The following ERBB4 variants were observed in gnomAD, a reference collection of about 807,000 sequenced individuals.
ERBB4 encodes the protein erb-b2 receptor tyrosine kinase 4.
A neutral mutation model predicts 158.0 loss-of-function variants in ERBB4; 42 were observed. The ratio of observed to expected loss-of-function variants is 0.27; its 90% CI spans 0.21 to 0.34. The LOEUF is 0.34. Among genes scored for constraint, ERBB4 ranks in the 10% least tolerant of loss-of-function variants. The pLI is 1.00. For missense variants in ERBB4, 1,333 were observed against 1,624.1 expected, an observed-to-expected ratio of 0.82 and a Z score of 3.08; for synonymous variants, 583 against 558.7, an observed-to-expected ratio of 1.04 and a Z score of -0.61.
chr2:211,929,890 T>C (rs916083067), intron 3 of ERBB4, among the ~76,000 whole-genome samples: 2 of 152,282 alleles, frequency 1.3e-5, no homozygotes, highest in Middle Eastern at 6.8e-3. Context: ...ACAACATGTG[T>C]ATACACACAT....
In ERBB4 at chr2:212,083,679, G is replaced by A. The variant is rs549850488; in HGVS notation, c.234+41073C>T. 1.2e-4 allele frequency among the ~76,000 whole-genome samples: 18 copies of A among 151,734 alleles called. No homozygotes were observed. In the South Asian group the frequency reaches 3.7e-3, roughly 32 times the overall value. ...ATGCCAGACAAACCTGGCAAAATAGGTTGACAACATAGGATTGCACAATCC... is the reference window on the plus strand; with the variant it reads ...ATGCCAGACAAACCTGGCAAAATAGATTGACAACATAGGATTGCACAATCC... On this transcript the variant is annotated intron_variant, in intron 2 of 27. Transcript: ENST00000342788.
chr2:212,483,499 T>G (rs1421885027), intron 1 of ERBB4, among the ~76,000 whole-genome samples: 1 of 152,190 alleles, frequency 6.6e-6, no homozygotes, highest in Admixed American at 6.5e-5. Flanking sequence ...TCTTACGTAT[T>G]TGTACCTAGT....
At chr2:211,640,767 T>C (rs2070550109) in intron 16 of ERBB4, among the ~76,000 whole-genome samples, 1 of 152,094 alleles carries the variant, frequency 6.6e-6, no homozygotes, top group African/African-American at 2.4e-5. Context: ...TCATGAGTAA[T>C]AGTGAAAGAC....
At chr2:212,275,237 GT>G (rs2085486587) in intron 1 of ERBB4, among the ~76,000 whole-genome samples, 1 of 151,892 alleles carries the variant, frequency 6.6e-6, no homozygotes, top group Non-Finnish European at 1.5e-5. Context: ...AAACATACGT[GT>G]GTATGTCTCT....
intron 1 of ERBB4, among the ~76,000 whole-genome samples, chr2:212,274,656 A>G (rs1357851925): frequency 6.6e-6 from 1 of 151,872 alleles, no homozygotes; most frequent in South Asian, 2.1e-4. Flanking sequence ...GTTACTGTGC[A>G]TAAGTTTTAA....
At chr2:211,422,733 T>C (rs974324090) in intron 23 of ERBB4, among the ~76,000 whole-genome samples, 2 of 151,940 alleles carry the variant, frequency 1.3e-5, no homozygotes, top group African/African-American at 4.8e-5. Context: ...AATTATCCTC[T>C]TCTTAGGTAT....
intron 1 of ERBB4, among the ~76,000 whole-genome samples, chr2:212,381,407 T>C (rs933918474): frequency 1.3e-5 from 2 of 151,328 alleles, no homozygotes; most frequent in Non-Finnish European, 3.0e-5. Flanking sequence ...CAGACTGTCT[T>C]GTGTGGTATA....
intron 1 of ERBB4, among the ~76,000 whole-genome samples, chr2:212,293,898 G>A (rs941534795): frequency 2.7e-5 from 4 of 147,770 alleles, no homozygotes; most frequent in South Asian, 2.2e-4. Context: ...TGTATGATGT[G>A]TATAAGATGA....
Position 212,168,068 on chromosome 2 carries a change from TAA to T in ERBB4, c.83-43167_83-43166del, listed in dbSNP as rs10594490. On this transcript the variant is annotated intron_variant, in intron 1 of 27. Coordinates refer to ENST00000342788, the MANE Select transcript of ERBB4 (RefSeq NM_005235.3). ...TGTATCCAGGAACTGAAATTAAAAT[TAA>T]AAAAAAAAAAAAACTTGTCTCATTT... Among the ~76,000 whole-genome samples the T allele has an allele frequency of 5.8e-3, 874 of 149,492 alleles. 8 individuals carry two copies. Among genetic ancestry groups the T allele is most frequent in the African/African-American group, 0.018 (727 of 40,660 alleles).
intron 2 of ERBB4, among the ~76,000 whole-genome samples, chr2:212,042,414 T>A (rs1325237369): frequency 1.3e-5 from 2 of 152,248 alleles, no homozygotes; most frequent in South Asian, 4.1e-4. Flanking sequence ...AATTAGGTTT[T>A]CACGGAAGCT....
intron 20 of ERBB4, among the ~76,000 whole-genome samples, chr2:211,471,948 C>T (rs1400274067): frequency 1.3e-5 from 2 of 152,020 alleles, no homozygotes; most frequent in Non-Finnish European, 2.9e-5. Context: ...TGAAGACCAG[C>T]CTGAGCAACA....
chr2:212,294,232 T>C (rs996658673), intron 1 of ERBB4, among the ~76,000 whole-genome samples: 1 of 152,090 alleles, frequency 6.6e-6, no homozygotes, highest in Non-Finnish European at 1.5e-5. Flanking sequence ...GGAAAAACTA[T>C]GTAGAAGCAT....
intron 1 of ERBB4, among the ~76,000 whole-genome samples, chr2:212,425,360 GTA>G (rs1036741088): frequency 1.4e-5 from 2 of 147,094 alleles, no homozygotes; most frequent in Admixed American, 6.8e-5. Context: ...GAACATATAT[GTA>G]TATGTATACA....
At chr2:212,212,564 G>T (rs2082970548) in intron 1 of ERBB4, among the ~76,000 whole-genome samples, 1 of 150,458 alleles carries the variant, frequency 6.6e-6, no homozygotes, top group Non-Finnish European at 1.5e-5. Flanking sequence ...AAAAAAAAAA[G>T]GACTTTAAAT....
At chr2:211,509,187 G>C (rs1272597868) in intron 20 of ERBB4, among the ~76,000 whole-genome samples, 1 of 151,912 alleles carries the variant, frequency 6.6e-6, no homozygotes, top group Non-Finnish European at 1.5e-5. Flanking sequence ...GCCTGTCGGG[G>C]AGTGGGGGAC....
At chr2:212,504,048 T>C (rs1237951926) in intron 1 of ERBB4, among the ~76,000 whole-genome samples, 2 of 152,178 alleles carry the variant, frequency 1.3e-5, no homozygotes, top group Non-Finnish European at 2.9e-5. Context: ...CTTAAATGGA[T>C]GTATATGGGC....
chr2:211,850,084 T>C (rs1211926013), intron 3 of ERBB4, among the ~76,000 whole-genome samples: 1 of 152,022 alleles, frequency 6.6e-6, no homozygotes, highest in Non-Finnish European at 1.5e-5. Flanking sequence ...TCCATCGCTG[T>C]TTGCATAGAA....
At chr2:212,325,438 A>G (rs1433426580) in intron 1 of ERBB4, among the ~76,000 whole-genome samples, 3 of 150,836 alleles carry the variant, frequency 2.0e-5, no homozygotes, top group African/African-American at 7.3e-5. Context: ...ATATAATAAG[A>G]AAGAGAGATT....
chr2:212,211,782 G>C (rs12473591), intron 1 of ERBB4, among the ~76,000 whole-genome samples: 7,954 of 151,838 alleles, frequency 0.052, 402 homozygotes, highest in South Asian at 0.2. Flanking sequence ...CTCTGTGTCT[G>C]TGTGTTCTCA....
Sources: gnomAD v4.1 joint callset for allele counts (sites outside exome capture counted in the v4.1 genomes callset) on GRCh38, gnomAD v4.1.1 for gene constraint, MANE v1.5 for transcripts, NCBI Gene and HGNC (gene_info 2026-07-23, HGNC 2026-07-21) for gene names.